PCDHGB2: variants seen among roughly 807,000 people sequenced by gnomAD.
The protein encoded by PCDHGB2 is protocadherin gamma-B2.
PCDHGB2 carries 55 observed loss-of-function variants against 59.3 expected under a neutral mutation model. That is an observed-to-expected ratio of 0.93 (90% confidence interval 0.75 to 1.16). PCDHGB2 has a LOEUF of 1.16. PCDHGB2 is among the 50% of genes most tolerant of loss of function. The pLI, the probability that PCDHGB2 is intolerant of heterozygous loss-of-function variation, is 0.00. For synonymous variants in PCDHGB2, 516 were observed against 512.0 expected, an observed-to-expected ratio of 1.01 and a Z score of -0.11; for missense variants, 1,228 against 1,198.5, an observed-to-expected ratio of 1.02 and a Z score of -0.36.
chr5:141,398,105 G>A (rs778559832), intron 1 of PCDHGB2: 2 of 1,595,534 alleles, frequency 1.3e-6, no homozygotes, highest in East Asian at 4.5e-5. Context: ...AGGCTGGTGA[G>A]CAAGCTGAGG....
At chr5:141,371,657 G>A in intron 1 of PCDHGB2, 1 of 1,613,988 alleles carries the variant, frequency 6.2e-7, no homozygotes, top group Non-Finnish European at 8.5e-7. Context: ...ACAATGTGAC[G>A]ATCACAGCTA....
chr5:141,481,362 A>G (rs2099536613), intron 1 of PCDHGB2, among the ~76,000 whole-genome samples: 1 of 152,252 alleles, frequency 6.6e-6, no homozygotes, highest in African/African-American at 2.4e-5. Context: ...CAGCTGTTCA[A>G]TAGATATTGG....
At chr5:141,364,335 C>A in intron 1 of PCDHGB2, 1 of 1,532,788 alleles carries the variant, frequency 6.5e-7, no homozygotes, top group South Asian at 1.3e-5. Flanking sequence ...AAGGCAATGG[C>A]GAGTCCACCT....
At chr5:141,407,271 GA>G (rs2094907406) in intron 1 of PCDHGB2, among the ~76,000 whole-genome samples, 1 of 152,204 alleles carries the variant, frequency 6.6e-6, no homozygotes, top group African/African-American at 2.4e-5. Context: ...CATGCAACAA[GA>G]AAATTGTTAC....
chr5:141,392,802 A>G (rs2092597829), intron 1 of PCDHGB2: 7 of 1,572,582 alleles, frequency 4.5e-6, no homozygotes, highest in Non-Finnish European at 6.0e-6. Context: ...AGGATTCTGC[A>G]GCAAAACAAC....
intron 1 of PCDHGB2, among the ~76,000 whole-genome samples, chr5:141,464,882 A>T (rs1418376370): frequency 6.6e-6 from 1 of 151,918 alleles, no homozygotes; most frequent in Middle Eastern, 3.2e-3. Context: ...AGGACTACAG[A>T]TGGATGCCAC....
Position 141,389,013 on chromosome 5 carries a change from A to G in PCDHGB2, c.2421+26457A>G, listed in dbSNP as rs187666474. 2.5e-6 allele frequency: 4 copies of G among 1,614,010 alleles called. No homozygotes were observed. The African/African-American group carries it at 4.0e-5, about 16-fold the overall frequency. On this transcript the variant is annotated intron_variant, in intron 1 of 3. Coordinates refer to ENST00000522605, the MANE Select transcript of PCDHGB2 (RefSeq NM_018923.3). ...AGTCCGTGACAAGGATTCCAGACAC[A>G]ATGGAGAAGTGACTTGTAAATTGGA...
chr5:141,485,625 G>A lies in PCDHGB2; in HGVS notation c.2422-9182G>A, dbSNP rs1458191111. On this transcript the variant is annotated intron_variant, in intron 1 of 3. Coordinates refer to ENST00000522605, the MANE Select transcript of PCDHGB2 (RefSeq NM_018923.3). This position sits in a 1 kb window ranked among gnomAD's most constrained non-coding sequence, Gnocchi z 5.7. ...GGGGAGGCAGCTCCTCCAGGACAGC[G>A]TTTCCCGTTGGAAAAGGCTCAGGAT... is the stretch of plus-strand genomic sequence containing the variant. The A allele has an allele frequency of 1.2e-6, 2 of 1,611,968 alleles. No homozygotes were observed. The highest frequency in any genetic ancestry group is 3.3e-5 in the Admixed American group (2 of 59,916).
chr5:141,423,071 C>T, intron 1 of PCDHGB2: 2 of 1,614,120 alleles, frequency 1.2e-6, no homozygotes, highest in South Asian at 1.1e-5. Flanking sequence ...GCCAGCGAGC[C>T]GGGACTCTTC....
intron 1 of PCDHGB2, among the ~76,000 whole-genome samples, chr5:141,430,360 T>C (rs570966246): frequency 1.8e-4 from 27 of 151,522 alleles, no homozygotes; most frequent in Middle Eastern, 3.4e-3. Flanking sequence ...TAAAAGCTCA[T>C]TGGGGAAAAA....
chr5:141,490,686 C>T lies in PCDHGB2; in HGVS notation c.2422-4121C>T. The T allele has an allele frequency of 3.7e-6, 6 of 1,614,196 alleles. No homozygotes were observed. The highest frequency in any genetic ancestry group is 5.1e-6 in the Non-Finnish European group (6 of 1,180,014). ...GCACTGTGGCTGCCTCAGATCCAGA[C>T]ACTGGGGATAATGCCCGCCTCACCT... On this transcript the variant is annotated intron_variant, in intron 1 of 3. Coordinates refer to ENST00000522605, the MANE Select transcript of PCDHGB2 (RefSeq NM_018923.3). This position sits in a 1 kb window ranked among gnomAD's most constrained non-coding sequence, Gnocchi z 5.4.
At chr5:141,366,497 C>G in intron 1 of PCDHGB2, 1 of 1,614,254 alleles carries the variant, frequency 6.2e-7, no homozygotes, top group South Asian at 1.1e-5. Context: ...GCACAAGTCA[C>G]GCCTGCTTCA....
chr5:141,479,211 A>G (rs2099490342), intron 1 of PCDHGB2: 1 of 152,422 alleles, frequency 6.6e-6, no homozygotes, highest in African/African-American at 2.4e-5. Context: ...AAGTATTTAA[A>G]AAATTAAAAC....
At chr5:141,372,206 G>C in intron 1 of PCDHGB2, 1 of 1,613,590 alleles carries the variant, frequency 6.2e-7, no homozygotes, top group East Asian at 2.2e-5. Flanking sequence ...ACGCCTGGCT[G>C]TCCTACCACA....
intron 1 of PCDHGB2, 144 bp from the exon 2 acceptor site, chr5:141,494,663 G>A: frequency 6.7e-7 from 1 of 1,499,356 alleles, no homozygotes; most frequent in Non-Finnish European, 9.0e-7. Flanking sequence ...TGTCTTTGGA[G>A]ATGAGTCCAC....
intron 1 of PCDHGB2, among the ~76,000 whole-genome samples, chr5:141,463,346 C>G (rs963070531): frequency 6.7e-6 from 1 of 150,312 alleles, no homozygotes; most frequent in Non-Finnish European, 1.5e-5. Context: ...TGGTGTTATT[C>G]TTGGATTTCC....
chr5:141,439,568 A>G (rs2098121048), intron 1 of PCDHGB2, among the ~76,000 whole-genome samples: 1 of 152,208 alleles, frequency 6.6e-6, no homozygotes, highest in Non-Finnish European at 1.5e-5. Context: ...GTTCTAGAGT[A>G]GGGACTCAGA....
At chr5:141,480,195 G>A (rs1350891459) in intron 1 of PCDHGB2, among the ~76,000 whole-genome samples, 1 of 151,182 alleles carries the variant, frequency 6.6e-6, no homozygotes, top group Non-Finnish European at 1.5e-5. Context: ...CTTGAGGCCA[G>A]CAGTTCAAGA....
chr5:141,383,807 C>T, intron 1 of PCDHGB2: 7 of 1,613,926 alleles, frequency 4.3e-6, no homozygotes, highest in Non-Finnish European at 5.9e-6. Flanking sequence ...GAAATATCAA[C>T]TTTAGAAGGA....
Sources: allele counts gnomAD v4.1 joint callset (sites outside exome capture counted in the v4.1 genomes callset), GRCh38; gene constraint gnomAD v4.1.1; non-coding constraint Gnocchi (gnomAD v3.1); transcripts MANE v1.5; gene names NCBI Gene and HGNC (gene_info 2026-07-23, HGNC 2026-07-21).